CTBP1: variants seen among roughly 807,000 people sequenced by gnomAD.
The protein encoded by CTBP1 is C-terminal binding protein 1.
In CTBP1, 11 loss-of-function variants were observed where a neutral mutation model predicts 42.1. The observed-to-expected ratio is 0.26, with a 90% CI of 0.16 to 0.43. The LOEUF is 0.43. Ranked by LOEUF, CTBP1 falls within the 20% of genes least tolerant of loss-of-function variation. The probability of loss-of-function intolerance (pLI) is 1.00; values close to 1 mark genes in which losing one functional copy is unlikely to be tolerated. For synonymous variants in CTBP1, 324 were observed against 277.1 expected, an observed-to-expected ratio of 1.17 and a Z score of -1.68; for missense variants, 399 against 624.3, an observed-to-expected ratio of 0.64 and a Z score of 3.85.
rs1731804595 is a variant in CTBP1 at position 1,238,443 on chromosome 4, G to A, written c.8-106C>T. 1.5e-6 allele frequency: 2 copies of A among 1,323,534 alleles called. No individual in the cohort carries two copies. The highest frequency in any genetic ancestry group is 1.5e-5 in the African/African-American group (1 of 68,018). 82.0% of individuals were successfully genotyped at this position (1,323,534 alleles called of 1,614,324 possible). A position where few individuals can be genotyped will look rare whatever the true frequency, so the allele number is the denominator to read the frequency against. ...CGGGCCAACGAGGGCCGACCGCCGGGGGTTTTCTGGTCTATATGTTGTGAT... is the reference window on the plus strand; with the variant it reads ...CGGGCCAACGAGGGCCGACCGCCGGAGGTTTTCTGGTCTATATGTTGTGAT... On this transcript the variant is annotated intron_variant, in intron 2 of 9. Transcript: ENST00000382952. This position sits in a 1 kb window ranked among gnomAD's most constrained non-coding sequence, Gnocchi z 5.9.
rs149624625 is a variant in CTBP1, at chr4:1,214,381, G to A, written c.822C>T (p.Arg274=). 2.8e-3 allele frequency: 4,365 copies of A among 1,564,236 alleles called. 10 individuals are homozygous for A. Among genetic ancestry groups the A allele is most frequent in the Non-Finnish European group, 3.3e-3 (3,798 of 1,161,036 alleles). ...ACTCGTGCACATCCAGGGCCGCGCC[G>A]CGGATCCGGCCCTCCTTCAGGGCCT... ...LAQALKEGRI[R]GAALDVHESE... is the part of the protein sequence containing the mutation. The change falls in exon 7 of 10, where the codon CGC becomes CGT. Residue 274 remains arginine (R), a synonymous_variant. Coordinates refer to ENST00000382952, the MANE Select transcript of CTBP1 (RefSeq NM_001012614.2).
intron 1 of CTBP1, among the ~76,000 whole-genome samples, chr4:1,248,413 G>T (rs942401248): frequency 9.3e-5 from 14 of 150,982 alleles, no homozygotes; most frequent in African/African-American, 3.2e-4. Flanking sequence ...CACGGTCGCC[G>T]GCGGCCTCCC....
In CTBP1 at chr4:1,243,194, G is replaced by C. The variant is rs999190176; in HGVS notation, c.-188-1675C>G. 3 of 985,214 alleles carry C rather than the reference G, an allele frequency of 3.0e-6. No homozygotes were observed. In the South Asian group the frequency reaches 1.4e-4, roughly 46 times the overall value. 61.0% of individuals were successfully genotyped at this position (985,214 alleles called of 1,614,324 possible). ...CAGCCGCTGCTCCTGGAGGATCATC[G>C]ATACCCATCAATGCTGCTCAATGCT... On this transcript the variant is annotated intron_variant, in intron 1 of 9. Transcript: ENST00000382952.
intron 5 of CTBP1, chr4:1,221,924 C>T (rs2108738085): frequency 2.7e-6 from 1 of 370,622 alleles, no homozygotes; most frequent in South Asian, 2.0e-5. Flanking sequence ...AAGTCACGGG[C>T]ACCAGAGCCT....
intron 5 of CTBP1, chr4:1,221,726 G>A (rs961619019): frequency 1.8e-5 from 7 of 381,832 alleles, no homozygotes; most frequent in South Asian, 3.8e-5. Context: ...GGGTCGTCGC[G>A]GGGCCGCCAC....
intron 2 of CTBP1, among the ~76,000 whole-genome samples, chr4:1,240,332 C>T (rs368071648): frequency 7.9e-5 from 10 of 126,106 alleles, no homozygotes; most frequent in Non-Finnish European, 1.6e-4. Flanking sequence ...CCGGGTCCCT[C>T]GTCGGAACCG....
intron 4 of CTBP1, 147 bp downstream of exon 4, chr4:1,228,052 G>T: frequency 9.5e-7 from 1 of 1,058,068 alleles, no homozygotes; most frequent in Non-Finnish European, 1.4e-6. Context: ...CCTCATGCCG[G>T]CCCCAGACGG....
chr4:1,249,654 G>C (rs1378962315), upstream of CTBP1: 5 of 423,952 alleles, frequency 1.2e-5, no homozygotes. Context: ...TTTACCGTCC[G>C]AGAGCCGGCG....
rs1731849722 is a variant in CTBP1, at chr4:1,238,807, C to A, written c.8-470G>T. ...TAGGCCCTCCAAGACCCTCTGAGAC[C>A]CCCCGAGACCCTCCCAGACCGTCCG... is the stretch of plus-strand genomic sequence containing the variant. On this transcript the variant is annotated intron_variant, in intron 2 of 9. Coordinates refer to ENST00000382952, the MANE Select transcript of CTBP1 (RefSeq NM_001012614.2). The surrounding 1 kb of genome is among the most constrained non-coding windows in gnomAD (Gnocchi z 5.9). Among the ~76,000 whole-genome samples, 1 of 151,770 alleles carries A rather than the reference C, an allele frequency of 6.6e-6. No homozygotes were observed.
At position 1,225,372 on chromosome 4, in the gene CTBP1, T is replaced by C; in HGVS notation, c.502A>G (p.Ile168Val). ...GCGGCCGACGCACCAAGTCCGATGA[T>C]GCCCAAGGTCTCCCCGCGGATCCTG... is the stretch of plus-strand genomic sequence containing the variant. ...AARIRGETLGIIGLGRVGQAV... is the reference protein window; with the variant it reads ...AARIRGETLGVIGLGRVGQAV... Residue 168 changes from isoleucine to valine, a missense_variant, in exon 5 of 10, where the codon ATC becomes GTC. By Grantham distance (29) the Ile-to-Val change is conservative. Around this residue, in one of 4 missense-constraint regions of CTBP1, gnomAD observed 309 missense variants for 497.5 expected, o/e 0.62. Coordinates refer to ENST00000382952, the MANE Select transcript of CTBP1 (RefSeq NM_001012614.2). 2 of 1,561,000 alleles carry C rather than the reference T, an allele frequency of 1.3e-6. No homozygotes were observed. The highest frequency in any genetic ancestry group is 1.7e-6 in the Non-Finnish European group (2 of 1,158,342).
chr4:1,250,314 C>A (rs962895449), upstream of CTBP1: 5 of 270,288 alleles, frequency 1.8e-5, no homozygotes, highest in Non-Finnish European at 2.2e-5. Context: ...GTTCTAAGAT[C>A]GGGCTGCCGA....
intron 5 of CTBP1, chr4:1,218,455 C>G (rs972103634): frequency 6.6e-6 from 1 of 151,682 alleles, no homozygotes; most frequent in Non-Finnish European, 1.5e-5. Flanking sequence ...CAAAAGGAAT[C>G]GGTCACTGGT....
At chr4:1,219,790 C>T (rs906559887) in intron 5 of CTBP1, among the ~76,000 whole-genome samples, 11 of 152,228 alleles carry the variant, frequency 7.2e-5, no homozygotes, top group African/African-American at 1.4e-4. Flanking sequence ...GGCCTCATAA[C>T]GCACTAGGAT....
chr4:1,238,204 G>C lies in CTBP1; in HGVS notation c.141C>G (p.Ser47=). Residue 47 remains serine, a synonymous_variant, in exon 3 of 10, where the codon TCC becomes TCG. Coordinates refer to ENST00000382952, the MANE Select transcript of CTBP1 (RefSeq NM_001012614.2). This position sits in a 1 kb window ranked among gnomAD's most constrained non-coding sequence, Gnocchi z 5.9. ...VATVAFCDAQ[S]TQEIHEKVLN... is the part of the protein sequence containing the mutation. ...GTACCTTCTCATGGATCTCCTGCGT[G>C]GACTGCGCGTCGCAGAAGGCCACAG... 6.2e-7 allele frequency: 1 copy of C among 1,612,972 alleles called. No individual in the cohort carries two copies. The highest frequency in any genetic ancestry group is 2.2e-5 in the East Asian group (1 of 44,868).
At chr4:1,247,976 C>G (rs1446751500) in intron 1 of CTBP1, among the ~76,000 whole-genome samples, 1 of 152,240 alleles carries the variant, frequency 6.6e-6, no homozygotes, top group Non-Finnish European at 1.5e-5. Context: ...CCAGGCCGGG[C>G]TTCCAGACAC....
At chr4:1,217,211 C>G (rs1729223534) in intron 5 of CTBP1, 1 of 152,322 alleles carries the variant, frequency 6.6e-6, no homozygotes, top group Admixed American at 6.5e-5. Flanking sequence ...GACCCCCAGT[C>G]ACTCTGGGAA....
intron 4 of CTBP1, 94 bp downstream of exon 4, chr4:1,228,105 G>T (rs1183009228): frequency 5.3e-6 from 8 of 1,514,544 alleles, no homozygotes; most frequent in Admixed American, 1.8e-5. Context: ...TGTGCAACGG[G>T]GTCCTCAGTG....
At chr4:1,226,052 GC>G (rs1288703421) in intron 4 of CTBP1, among the ~76,000 whole-genome samples, 3 of 152,040 alleles carry the variant, frequency 2.0e-5, no homozygotes, top group Non-Finnish European at 4.4e-5. Context: ...GGGCCCCGAA[GC>G]CCCTTCCGCC....
chr4:1,212,340 G>C lies in CTBP1; in HGVS notation c.1190C>G (p.Ser397Cys). 1 of 1,520,792 alleles carries C rather than the reference G, an allele frequency of 6.6e-7. No individual in the cohort carries two copies. Among genetic ancestry groups the C allele is most frequent in the Non-Finnish European group, 8.8e-7 (1 of 1,139,224 alleles). The allele number at this position is 1,520,792 out of a possible 1,614,324, so 94.2% of individuals were successfully genotyped here. Reference protein sequence around the residue: ...EGIVPSAMSLSHGLPPVAHPP... With the variant: ...EGIVPSAMSLCHGLPPVAHPP... ...GTGGGCCACAGGGGGCAGGCCGTGG[G>C]ACAGGGACATGGCGCTGGGGACGAT... Residue 397 changes from serine to cysteine, a missense_variant, in exon 10 of 10, where the codon TCC becomes TGC. By Grantham distance (112) the Ser-to-Cys change is moderately radical. Transcript: ENST00000382952.
Sources: gnomAD v4.1 joint callset for allele counts (sites outside exome capture counted in the v4.1 genomes callset) on GRCh38, gnomAD v4.1.1 for gene constraint, gnomAD v4.1.1 regional missense constraint, Gnocchi (gnomAD v3.1) non-coding constraint, MANE v1.5 for transcripts, NCBI Gene and HGNC (gene_info 2026-07-23, HGNC 2026-07-21) for gene names.